The following TERB2 variants were observed in gnomAD, a reference collection of about 807,000 sequenced individuals.
TERB2 encodes telomere repeat binding bouquet formation protein 2.
TERB2 carries 26 observed loss-of-function variants against 29.8 expected under a neutral mutation model. The observed-to-expected ratio is 0.87, with a 90% CI of 0.64 to 1.21. The LOEUF (loss-of-function observed/expected upper bound fraction) is 1.21. TERB2 is among the 50% of genes most tolerant of loss of function. TERB2 has a pLI of 0.00. For missense variants in TERB2, 240 were observed against 268.6 expected, an observed-to-expected ratio of 0.89 and a Z score of 0.74; for synonymous variants, 80 against 90.8, an observed-to-expected ratio of 0.88 and a Z score of 0.68.
chr15:44,970,445 G>A (rs1362383681), intron 5 of TERB2: 2 of 209,324 alleles, frequency 9.6e-6, no homozygotes, highest in East Asian at 2.1e-4. Context: ...TTGCAGTTGG[G>A]GTTTCCAGTT....
intron 4 of TERB2, 58 bp downstream of exon 4, chr15:44,961,642 A>G: frequency 8.5e-7 from 1 of 1,172,814 alleles, no homozygotes; most frequent in Non-Finnish European, 1.2e-6. Flanking sequence ...TTCTGAAAGC[A>G]AGGTTATCTT....
chr15:44,965,162 C>CAAAAAAAA (rs66756472), intron 4 of TERB2, among the ~76,000 whole-genome samples: 20 of 48,788 alleles, frequency 4.1e-4, no homozygotes, highest in South Asian at 1.3e-3. Flanking sequence ...GACTCTGTCT[C>CAAAAAAAA]AAAAAAAAAA....
chr15:44,961,125 T>C (rs1332495658), intron 3 of TERB2, among the ~76,000 whole-genome samples: 2 of 150,288 alleles, frequency 1.3e-5, no homozygotes, highest in African/African-American at 2.4e-5. Flanking sequence ...GATATAGATA[T>C]TGATGTATAT....
intron 4 of TERB2, chr15:44,962,791 C>T (rs1891827394): frequency 6.6e-6 from 1 of 152,066 alleles, no homozygotes; most frequent in Non-Finnish European, 1.5e-5. Context: ...CTAATAATGA[C>T]AATAATGGAT....
At chr15:44,965,541 T>C (rs1891874898) in intron 4 of TERB2, among the ~76,000 whole-genome samples, 1 of 144,506 alleles carries the variant, frequency 6.9e-6, no homozygotes, top group East Asian at 2.0e-4. Context: ...ATTATACATT[T>C]ATATATTATA....
At chr15:44,961,250 AATATAG>A (rs899026681) in intron 3 of TERB2, among the ~76,000 whole-genome samples, 11 of 149,136 alleles carry the variant, frequency 7.4e-5, no homozygotes, top group African/African-American at 2.7e-4. Flanking sequence ...TAGAGATACA[AATATAG>A]ATATAGATAT....
At chr15:44,973,752 A>T in intron 5 of TERB2, 115 bp from the exon 6 acceptor site, 1 of 750,716 alleles carries the variant, frequency 1.3e-6, no homozygotes, top group South Asian at 6.3e-5. Context: ...ATACTATAGT[A>T]AAGGTAATTA....
chr15:44,974,850 C>G (rs2141245228), intron 6 of TERB2, among the ~76,000 whole-genome samples: 1 of 152,202 alleles, frequency 6.6e-6, no homozygotes, highest in East Asian at 1.9e-4. Flanking sequence ...TCCACAGCTT[C>G]CTAGATCATA....
chr15:44,957,073 G>T (rs1891727257), intron 2 of TERB2, 96 bp downstream of exon 2: 1 of 1,300,058 alleles, frequency 7.7e-7, no homozygotes, highest in Non-Finnish European at 1.1e-6. Flanking sequence ...ATGAGGCTGG[G>T]CGCGGTGGCG....
intron 4 of TERB2, among the ~76,000 whole-genome samples, chr15:44,964,403 G>C (rs1403724066): frequency 6.6e-6 from 1 of 151,764 alleles, no homozygotes; most frequent in Non-Finnish European, 1.5e-5. Flanking sequence ...TCTAATCCTT[G>C]ACTTTTCACA....
At chr15:44,968,511 C>T (rs563021274) in intron 5 of TERB2, among the ~76,000 whole-genome samples, 41 of 151,752 alleles carry the variant, frequency 2.7e-4, no homozygotes, top group Non-Finnish European at 4.1e-4. Flanking sequence ...ATAAACCACC[C>T]GTGCCTGGCC....
chr15:44,970,952 T>C (rs1891957805), intron 5 of TERB2: 1 of 156,584 alleles, frequency 6.4e-6, no homozygotes, highest in Non-Finnish European at 1.4e-5. Flanking sequence ...TTTCTTCATC[T>C]AATTGAGCTC....
intron 4 of TERB2, among the ~76,000 whole-genome samples, chr15:44,963,228 G>A (rs911415736): frequency 5.9e-5 from 9 of 152,172 alleles, no homozygotes; most frequent in African/African-American, 1.2e-4. Context: ...ACAATGGAGC[G>A]ATCTGGCAGG....
intron 4 of TERB2, among the ~76,000 whole-genome samples, chr15:44,962,375 G>A (rs1271415599): frequency 6.7e-6 from 1 of 148,198 alleles, no homozygotes; most frequent in Admixed American, 6.8e-5. Context: ...ATTTTTAGTA[G>A]AGACAGGGTT....
At chr15:44,956,874 C>T (rs1891723316) in intron 1 of TERB2, 22 bp from the exon 2 acceptor site, 1 of 1,613,542 alleles carries the variant, frequency 6.2e-7, no homozygotes, top group Non-Finnish European at 8.5e-7. Context: ...GATAGGTTCA[C>T]CCTGTGCTCT....
chr15:44,968,277 G>A (rs773308046), intron 5 of TERB2, among the ~76,000 whole-genome samples: 2 of 151,812 alleles, frequency 1.3e-5, no homozygotes, highest in African/African-American at 2.4e-5. Flanking sequence ...GTGCAGTGGC[G>A]TGATCTCGGC....
intron 3 of TERB2, among the ~76,000 whole-genome samples, chr15:44,959,262 A>T (rs996936972): frequency 6.6e-6 from 1 of 152,132 alleles, no homozygotes; most frequent in African/African-American, 2.4e-5. Flanking sequence ...TAGGATGGGG[A>T]AGTAAATAAA....
chr15:44,960,665 T>A (rs1433213834), intron 3 of TERB2, among the ~76,000 whole-genome samples: 1 of 152,214 alleles, frequency 6.6e-6, no homozygotes, highest in African/African-American at 2.4e-5. Context: ...CAAAATCCTG[T>A]ATTTATTTTA....
intron 4 of TERB2, among the ~76,000 whole-genome samples, chr15:44,965,902 A>G (rs936603337): frequency 9.2e-5 from 14 of 151,980 alleles, no homozygotes; most frequent in African/African-American, 3.4e-4. Flanking sequence ...CTTATCTGAC[A>G]TAACCACAGC....
Sources: gnomAD v4.1 joint callset for allele counts (sites outside exome capture counted in the v4.1 genomes callset) on GRCh38, gnomAD v4.1.1 for gene constraint, MANE v1.5 for transcripts, NCBI Gene and HGNC (gene_info 2026-07-23, HGNC 2026-07-21) for gene names.